The following EIF5A2 variants were observed in gnomAD, a reference collection of about 807,000 sequenced individuals.
The protein encoded by EIF5A2 is eukaryotic translation initiation factor 5A-2.
A neutral mutation model predicts 16.4 loss-of-function variants in EIF5A2; 15 were observed. The observed-to-expected ratio is 0.92, with a 90% confidence interval of 0.61 to 1.41. EIF5A2 has a LOEUF of 1.41. EIF5A2 is among the 40% of genes most tolerant of loss of function. The pLI is 0.00. For missense variants in EIF5A2, 144 were observed against 189.5 expected, an observed-to-expected ratio of 0.76 and a Z score of 1.41; for synonymous variants, 48 against 61.1, an observed-to-expected ratio of 0.79 and a Z score of 1.00.
intron 4 of EIF5A2, 77 bp from the exon 5 acceptor site, chr3:170,893,496 G>A (rs1712584922): frequency 1.4e-6 from 2 of 1,443,176 alleles, no homozygotes; most frequent in South Asian, 1.2e-5. Flanking sequence ...CTCATATATT[G>A]TATATTTGTG....
intron 3 of EIF5A2, among the ~76,000 whole-genome samples, chr3:170,897,890 G>C (rs1370173666): frequency 2.0e-5 from 3 of 152,202 alleles, no homozygotes; most frequent in African/African-American, 7.2e-5. Flanking sequence ...AGCAGCTGCA[G>C]AGGCTGTACC....
intron 1 of EIF5A2, 114 bp from the exon 2 acceptor site, chr3:170,907,955 G>A (rs1259731773): frequency 1.2e-5 from 9 of 782,468 alleles, no homozygotes; most frequent in Non-Finnish European, 1.7e-5. Context: ...TGCATGTAAG[G>A]AACACCCACC....
At chr3:170,893,490 T>A in intron 4 of EIF5A2, 71 bp from the exon 5 acceptor site, 1 of 1,484,614 alleles carries the variant, frequency 6.7e-7, no homozygotes, top group Non-Finnish European at 9.3e-7. Flanking sequence ...TAGTTCCTCA[T>A]ATATTGTATA....
Position 170,907,840 on chromosome 3 carries a change from A to T in EIF5A2, c.-34T>A, listed in dbSNP as rs748925404. ...GGGGAGATGGTAGTTTTTCCGTGGG[A>T]ACTACACAAAAAGTTTGTGTTTGCT... On this transcript the variant is annotated splice_region_variant and 5_prime_UTR_variant, in exon 2 of 5. Coordinates refer to ENST00000295822, the MANE Select transcript of EIF5A2 (RefSeq NM_020390.6). 7 of 1,502,468 alleles carry T rather than the reference A, an allele frequency of 4.7e-6. No individual in the cohort carries two copies. In the South Asian group the frequency reaches 9.2e-5, roughly 20 times the overall value. The allele number at this position is 1,502,468 out of a possible 1,614,324, so 93.1% of individuals were successfully genotyped here.
intron 2 of EIF5A2, 148 bp downstream of exon 2, chr3:170,907,494 G>T (rs1313437211): frequency 1.1e-6 from 1 of 927,226 alleles, no homozygotes; most frequent in Non-Finnish European, 1.6e-6. Context: ...AGTATTCAAC[G>T]TAATAACTGA....
At position 170,902,398 on chromosome 3, in the gene EIF5A2, CTTTTTTTTTTT is replaced by C. The variant is rs36044967; in HGVS notation, c.270+4580_270+4590del. 4.8e-3 allele frequency among the ~76,000 whole-genome samples: 435 copies of C among 91,404 alleles called. 6 individuals carry two copies. The highest frequency in any genetic ancestry group is 0.019 in the African/African-American group (391 of 20,592). The allele number at this position is 91,404 out of a possible 152,430, so 60.0% of individuals were successfully genotyped here. A position where few individuals can be genotyped will look rare whatever the true frequency, so the allele number is the denominator to read the frequency against. Reference sequence around the variant, plus strand: ...AGCTAATGTGTGAATGCCATTCAGCCTTTTTTTTTTTTTTTTTTTTTTTTGAGACCGAGTCT... The same window carrying C: ...AGCTAATGTGTGAATGCCATTCAGCCTTTTTTTTTTTTTGAGACCGAGTCT... On this transcript the variant is annotated intron_variant, in intron 3 of 4. Transcript: ENST00000295822.
In EIF5A2 at chr3:170,892,672, T is replaced by A; in HGVS notation, c.*688A>T. 2.5e-6 allele frequency: 1 copy of A among 398,150 alleles called. No homozygotes were observed. The highest frequency in any genetic ancestry group is 3.6e-5 in the East Asian group (1 of 28,022). The allele number at this position is 398,150 out of a possible 1,614,324, so 24.7% of individuals were successfully genotyped here. Reference sequence around the variant, plus strand: ...AATCAACCCTCTTTGCCACTGTCTTTTGTGTCTTCCTTATAATCTTACTTG... The same window carrying A: ...AATCAACCCTCTTTGCCACTGTCTTATGTGTCTTCCTTATAATCTTACTTG... On this transcript the variant is annotated 3_prime_UTR_variant, in exon 5 of 5. Transcript: ENST00000295822.
intron 3 of EIF5A2, among the ~76,000 whole-genome samples, chr3:170,895,041 AAAAAAAG>A (rs1712634763): frequency 6.6e-6 from 1 of 150,654 alleles, no homozygotes; most frequent in Admixed American, 6.6e-5. Flanking sequence ...AAAAAAAAAA[AAAAAAAG>A]AGATATTATA....
At chr3:170,895,335 T>TG (rs977590104) in intron 3 of EIF5A2, among the ~76,000 whole-genome samples, 3 of 151,020 alleles carry the variant, frequency 2.0e-5, no homozygotes, top group African/African-American at 7.3e-5. Flanking sequence ...ATAACATTAG[T>TG]GAAAAAAAAA....
At chr3:170,897,816 T>A (rs1044794667) in intron 3 of EIF5A2, among the ~76,000 whole-genome samples, 1 of 152,120 alleles carries the variant, frequency 6.6e-6, no homozygotes, top group African/African-American at 2.4e-5. Context: ...CACCATCTTC[T>A]AGATTCCAGA....
intron 3 of EIF5A2, among the ~76,000 whole-genome samples, chr3:170,896,860 T>G (rs1012081902): frequency 6.6e-6 from 1 of 152,210 alleles, no homozygotes; most frequent in Admixed American, 6.5e-5. Flanking sequence ...TGAAACTTCC[T>G]AGAGACTTGT....
chr3:170,905,731 T>C (rs1712920732), intron 3 of EIF5A2, among the ~76,000 whole-genome samples: 1 of 152,346 alleles, frequency 6.6e-6, no homozygotes, highest in East Asian at 1.9e-4. Context: ...TTTTGGTACG[T>C]ATCTACTTAT....
intron 4 of EIF5A2, 26 bp from the exon 5 acceptor site, chr3:170,893,445 G>C (rs866317775): frequency 6.2e-7 from 1 of 1,612,342 alleles, no homozygotes; most frequent in South Asian, 1.1e-5. Context: ...CAGGCAAAAC[G>C]TTATTCAGAA....
chr3:170,903,522 T>G (rs544379725), intron 3 of EIF5A2, among the ~76,000 whole-genome samples: 19 of 152,332 alleles, frequency 1.2e-4, no homozygotes, highest in African/African-American at 4.3e-4. Flanking sequence ...TTAGTGGCTC[T>G]TCTCATGATT....
intron 3 of EIF5A2, among the ~76,000 whole-genome samples, chr3:170,899,023 A>G (rs1224297294): frequency 6.6e-6 from 1 of 152,192 alleles, no homozygotes; most frequent in Non-Finnish European, 1.5e-5. Context: ...ATTTTTCAAA[A>G]TCAGGGAATT....
intron 3 of EIF5A2, among the ~76,000 whole-genome samples, chr3:170,906,412 G>A (rs779078199): frequency 4.6e-5 from 7 of 152,092 alleles, no homozygotes; most frequent in Non-Finnish European, 8.8e-5. Context: ...GTCATAGCAT[G>A]GTCACTAAGT....
At chr3:170,908,122 C>G (rs1279952032) in intron 1 of EIF5A2, among the ~76,000 whole-genome samples, 4 of 152,216 alleles carry the variant, frequency 2.6e-5, no homozygotes, top group Non-Finnish European at 5.9e-5. Flanking sequence ...CGGCCCCCAT[C>G]GCCCCACCGC....
In EIF5A2 at chr3:170,894,362, T is replaced by C. The variant is rs768565598; in HGVS notation, c.332A>G (p.Asp111Gly). 6.2e-7 allele frequency: 1 copy of C among 1,614,084 alleles called. No homozygotes were observed. The highest frequency in any genetic ancestry group is 8.5e-7 in the Non-Finnish European group (1 of 1,180,002). Residue 111 changes from aspartate (D) to glycine (G), a missense_variant, in exon 4 of 5, where the codon GAT (aspartate) becomes GGT (glycine). Coordinates refer to ENST00000295822, the MANE Select transcript of EIF5A2 (RefSeq NM_020390.6). ...LLTETGEVRE[D>G]LKLPEGELGK... ...TAGTTCACCTTCTGGCAGTTTAAGA[T>C]CCTCACGAACTTCACCAGTTTCTGT...
chr3:170,899,606 A>C (rs1015380751), intron 3 of EIF5A2, among the ~76,000 whole-genome samples: 1 of 152,060 alleles, frequency 6.6e-6, no homozygotes, highest in Non-Finnish European at 1.5e-5. Flanking sequence ...GTATCCTATC[A>C]GGAGGCAAAT....
Sources: allele counts gnomAD v4.1 joint callset (sites outside exome capture counted in the v4.1 genomes callset), GRCh38; gene constraint gnomAD v4.1.1; transcripts MANE v1.5; gene names NCBI Gene and HGNC (gene_info 2026-07-23, HGNC 2026-07-21).